Variants in EBF1 observed in about 807,000 individuals in gnomAD.
EBF1 encodes the protein transcription factor COE1.
In EBF1, 10 loss-of-function variants were observed where a neutral mutation model predicts 68.4. The observed-to-expected ratio is 0.15, with a 90% CI of 0.09 to 0.25. EBF1 has a LOEUF of 0.25. EBF1 is among the 10% of genes least tolerant of loss of function. The pLI, the probability that EBF1 is intolerant of heterozygous loss-of-function variation, is 1.00. For synonymous variants in EBF1, 298 were observed against 299.8 expected, an observed-to-expected ratio of 0.99 and a Z score of 0.06; for missense variants, 509 against 794.4, an observed-to-expected ratio of 0.64 and a Z score of 4.32.
At chr5:159,064,176 TTA>T (rs1316002401) in intron 6 of EBF1, among the ~76,000 whole-genome samples, 2 of 152,118 alleles carry the variant, frequency 1.3e-5, no homozygotes, top group East Asian at 1.9e-4. Flanking sequence ...ATATATGTGT[TTA>T]TATATATGTG....
intron 6 of EBF1, among the ~76,000 whole-genome samples, chr5:159,058,387 G>C (rs537266827): frequency 6.6e-6 from 1 of 152,294 alleles, no homozygotes; most frequent in South Asian, 2.1e-4. Flanking sequence ...ACGTGAAAAA[G>C]TCACTGGTAG....
chr5:158,769,357 A>G (rs1235539089), intron 10 of EBF1, among the ~76,000 whole-genome samples: 1 of 152,142 alleles, frequency 6.6e-6, no homozygotes, highest in Non-Finnish European at 1.5e-5. Flanking sequence ...AAGGTTGTAT[A>G]TAAGGCCTCG....
intron 6 of EBF1, among the ~76,000 whole-genome samples, chr5:158,917,570 T>C (rs1309852793): frequency 1.3e-5 from 2 of 152,226 alleles, no homozygotes; most frequent in African/African-American, 4.8e-5. Flanking sequence ...TTTATCTTCA[T>C]GTGTGTTAGG....
chr5:158,889,947 T>G (rs1800831029), intron 6 of EBF1, among the ~76,000 whole-genome samples: 1 of 152,180 alleles, frequency 6.6e-6, no homozygotes, highest in African/African-American at 2.4e-5. Context: ...TTTTAAGTAA[T>G]ATAGAGATTA....
intron 6 of EBF1, among the ~76,000 whole-genome samples, chr5:158,920,702 C>A (rs908932387): frequency 2.0e-5 from 3 of 152,168 alleles, no homozygotes; most frequent in African/African-American, 7.2e-5. Flanking sequence ...TCTCAGCCTC[C>A]CAAGTAGCTG....
rs186466683 is a variant in EBF1, at chr5:158,991,059, G to A, written c.554+82337C>T. Among the ~76,000 whole-genome samples, 71 of 152,288 alleles carry A rather than the reference G, an allele frequency of 4.7e-4. 1 individual carries two copies. The highest frequency in any genetic ancestry group is 1.7e-3 in the African/African-American group (69 of 41,576). Reference sequence around the variant, plus strand: ...TAACAGACATCGTAGGGAAGGGAGGGAATCATAAATCCCTGCTCTGCTATG... The same window carrying A: ...TAACAGACATCGTAGGGAAGGGAGGAAATCATAAATCCCTGCTCTGCTATG... On this transcript the variant is annotated intron_variant, in intron 6 of 15. Transcript: ENST00000313708.
chr5:159,029,151 C>T (rs1768276568), intron 6 of EBF1, among the ~76,000 whole-genome samples: 1 of 152,012 alleles, frequency 6.6e-6, no homozygotes, highest in Non-Finnish European at 1.5e-5. Context: ...AAAATATGCA[C>T]ATATGGGAAA....
chr5:158,857,714 T>C (rs1019701030), intron 6 of EBF1, among the ~76,000 whole-genome samples: 2 of 152,206 alleles, frequency 1.3e-5, no homozygotes, highest in Non-Finnish European at 2.9e-5. Flanking sequence ...AAAAAATCCA[T>C]TTAACTTTGA....
intron 6 of EBF1, among the ~76,000 whole-genome samples, chr5:158,904,113 CA>C (rs1252898645): frequency 2.0e-5 from 3 of 152,170 alleles, no homozygotes; most frequent in Non-Finnish European, 4.4e-5. Flanking sequence ...ACCACCAAAG[CA>C]AGGGGAAGGA....
In EBF1 at chr5:158,777,396, T is replaced by C. The variant is rs1775514488; in HGVS notation, c.1036+17A>G. The stretch of plus-strand genomic sequence containing the variant: ...GACCACGGCAGTTCTGTGCTCACCA[T>C]GTGCTGTGGTTCTTACCTGTATAAA... On this transcript the variant is annotated intron_variant, in intron 10 of 15. Transcript: ENST00000313708. The C allele has an allele frequency of 1.2e-6, 2 of 1,603,198 alleles. No individual in the cohort carries two copies. The highest frequency in any genetic ancestry group is 1.7e-6 in the Non-Finnish European group (2 of 1,173,774).
chr5:158,761,716 A>T (rs1561851772), intron 10 of EBF1, among the ~76,000 whole-genome samples: 2 of 152,226 alleles, frequency 1.3e-5, no homozygotes, highest in African/African-American at 4.8e-5. Flanking sequence ...AGAAATACTT[A>T]AATCCATTAA....
At chr5:158,981,687 T>C (rs1484044979) in intron 6 of EBF1, among the ~76,000 whole-genome samples, 3 of 152,200 alleles carry the variant, frequency 2.0e-5, no homozygotes, top group African/African-American at 4.8e-5. Context: ...GAGTTCTGTA[T>C]TTTTAAAGGT....
At chr5:158,747,558 C>T (rs1305025020) in intron 10 of EBF1, among the ~76,000 whole-genome samples, 1 of 152,150 alleles carries the variant, frequency 6.6e-6, no homozygotes, top group East Asian at 1.9e-4. Flanking sequence ...CAAACACCAA[C>T]TAAAAGGAAG....
chr5:159,085,055 G>A (rs1442639863), intron 4 of EBF1, among the ~76,000 whole-genome samples: 2 of 152,198 alleles, frequency 1.3e-5, no homozygotes, highest in African/African-American at 4.8e-5. Flanking sequence ...GGAAACCCCA[G>A]AAGGCTTAGC....
intron 6 of EBF1, among the ~76,000 whole-genome samples, chr5:158,949,383 A>C (rs894326340): frequency 1.3e-5 from 2 of 152,160 alleles, no homozygotes; most frequent in African/African-American, 2.4e-5. Flanking sequence ...AATCCCAAGC[A>C]CTTTGGGAGG....
chr5:158,909,912 G>A (rs1332550164), intron 6 of EBF1, among the ~76,000 whole-genome samples: 4 of 124,932 alleles, frequency 3.2e-5, no homozygotes, highest in Non-Finnish European at 4.7e-5. Flanking sequence ...AGCCGAGATT[G>A]CACCACTGCA....
At chr5:159,067,032 A>G (rs1376788884) in intron 6 of EBF1, among the ~76,000 whole-genome samples, 1 of 152,144 alleles carries the variant, frequency 6.6e-6, no homozygotes, top group Admixed American at 6.5e-5. Context: ...CGCAGGAACC[A>G]CTAAATGGAG....
At chr5:158,721,412 T>C (rs1761909947) in intron 11 of EBF1, among the ~76,000 whole-genome samples, 1 of 152,100 alleles carries the variant, frequency 6.6e-6, no homozygotes, top group Non-Finnish European at 1.5e-5. Flanking sequence ...GCAACTGTTA[T>C]TGCCACAATG....
At chr5:158,835,165 C>A (rs767783639) in intron 7 of EBF1, among the ~76,000 whole-genome samples, 2 of 152,202 alleles carry the variant, frequency 1.3e-5, no homozygotes, top group Non-Finnish European at 2.9e-5. Flanking sequence ...CCTCTGTAGC[C>A]AGGACAGCTA....
Sources: allele counts gnomAD v4.1 joint callset (sites outside exome capture counted in the v4.1 genomes callset), GRCh38; gene constraint gnomAD v4.1.1; transcripts MANE v1.5; gene names NCBI Gene and HGNC (gene_info 2026-07-23, HGNC 2026-07-21).